SNPH: variants seen among roughly 807,000 people sequenced by gnomAD.
SNPH encodes syntaphilin.
Under a neutral mutation model 36.8 loss-of-function variants are expected in SNPH, and 10 were observed. The observed-to-expected ratio is 0.27, with a 90% CI of 0.17 to 0.46. SNPH has a LOEUF of 0.46. SNPH is among the 20% of genes least tolerant of loss of function. SNPH has a pLI of 1.00. For missense variants in SNPH, 622 were observed against 744.0 expected, an observed-to-expected ratio of 0.84 and a Z score of 1.91; for synonymous variants, 281 against 312.2, an observed-to-expected ratio of 0.90 and a Z score of 1.05.
At chr20:1,268,204 A>G (rs563929905) in intron 2 of SNPH, among the ~76,000 whole-genome samples, 10 of 152,306 alleles carry the variant, frequency 6.6e-5, no homozygotes, top group Admixed American at 2.0e-4. Context: ...CATTCTAGCA[A>G]ATGATGGTCC....
intron 2 of SNPH, among the ~76,000 whole-genome samples, chr20:1,268,649 C>T (rs991739573): frequency 1.3e-5 from 2 of 150,764 alleles, no homozygotes; most frequent in African/African-American, 2.5e-5. Flanking sequence ...GGCAGAGGCC[C>T]TATCATTTTC....
intron 2 of SNPH, among the ~76,000 whole-genome samples, chr20:1,287,245 G>T (rs1270285957): frequency 6.6e-6 from 1 of 152,106 alleles, no homozygotes; most frequent in Admixed American, 6.6e-5. Context: ...TGTATTTGTG[G>T]TCAGCATGGA....
intron 2 of SNPH, among the ~76,000 whole-genome samples, chr20:1,286,089 T>TAAAAA (rs11475556): frequency 2.0e-5 from 2 of 100,514 alleles, no homozygotes; most frequent in Admixed American, 1.2e-4. Flanking sequence ...GACTCCATCT[T>TAAAAA]AAAAAAAAAA....
rs1351685001 is a variant in SNPH, at chr20:1,294,113, G to A, written c.-492-838G>A. On this transcript the variant is annotated intron_variant, in intron 2 of 6. Transcript: ENST00000381867. This position sits in a 1 kb window ranked among gnomAD's most constrained non-coding sequence, Gnocchi z 4.4. ...GGGCAGGGATGATGGTGGGAAAGTT[G>A]TTGGTGAAGCCAGGCCGACCTGGGC... Among the ~76,000 whole-genome samples the A allele has an allele frequency of 3.3e-5, 5 of 152,240 alleles. No homozygotes were observed. The highest frequency in any genetic ancestry group is 1.2e-4 in the African/African-American group (5 of 41,468).
intron 2 of SNPH, among the ~76,000 whole-genome samples, chr20:1,293,074 C>A (rs940350248): frequency 3.3e-5 from 5 of 152,226 alleles, no homozygotes; most frequent in Non-Finnish European, 5.9e-5. Context: ...GAGGTGCATT[C>A]ATTAGAGCCC....
chr20:1,287,057 C>T (rs1350114502), intron 2 of SNPH, among the ~76,000 whole-genome samples: 1 of 152,138 alleles, frequency 6.6e-6, no homozygotes, highest in Non-Finnish European at 1.5e-5. Flanking sequence ...TGCAGCCAAC[C>T]CCATGCAAAA....
rs866569977 is a variant in SNPH at position 1,290,384 on chromosome 20, T to A, written c.-492-4567T>A. Reference sequence around the variant, plus strand: ...GTTCCTTCTTCCCTTCCAGTGTGTTTTCTGTCTGTGTGCATTTGCCTGTGC... The same window carrying A: ...GTTCCTTCTTCCCTTCCAGTGTGTTATCTGTCTGTGTGCATTTGCCTGTGC... On this transcript the variant is annotated intron_variant, in intron 2 of 6. Transcript: ENST00000381867. Among the ~76,000 whole-genome samples the A allele has an allele frequency of 2.6e-5, 4 of 152,366 alleles. No individual in the cohort carries two copies. The South Asian group carries it at 8.3e-4, about 32-fold the overall frequency.
chr20:1,300,508 CTG>C, intron 5 of SNPH, 52 bp from the exon 6 acceptor site: 1 of 1,604,262 alleles, frequency 6.2e-7, no homozygotes, highest in Non-Finnish European at 8.5e-7. Flanking sequence ...GGTAAAGCAC[CTG>C]TGCCTTGCCT....
chr20:1,268,154 T>C (rs1011496706), intron 2 of SNPH, among the ~76,000 whole-genome samples: 2 of 152,230 alleles, frequency 1.3e-5, no homozygotes, highest in African/African-American at 2.4e-5. Flanking sequence ...GCTGAGGGCC[T>C]AGGCAGGCAG....
At chr20:1,280,258 G>T (rs981495366) in intron 2 of SNPH, among the ~76,000 whole-genome samples, 2 of 152,200 alleles carry the variant, frequency 1.3e-5, no homozygotes, top group African/African-American at 4.8e-5. Context: ...ACTCCCAAAG[G>T]GTGGGAGACT....
chr20:1,277,686 GTGTGCCTGTGTGTCTGTC>G (rs1355353552), intron 2 of SNPH, among the ~76,000 whole-genome samples: 2 of 149,580 alleles, frequency 1.3e-5, no homozygotes, highest in Non-Finnish European at 3.0e-5. Flanking sequence ...GTGTCCATGT[GTGTGCCTGTGTGTCTGTC>G]TGTGCCTGTG....
rs1045806678 is a variant in SNPH, at chr20:1,266,632, T to C, written c.-599-22T>C. On this transcript the variant is annotated intron_variant, in intron 1 of 6. Transcript: ENST00000381867. The surrounding 1 kb of genome is among the most constrained non-coding windows in gnomAD (Gnocchi z 6.0). ...GCCCGCGCTCACCCGCCCCGGTCTATCTCTTTTTCCTAACCCCGCAGGTCG... is the reference window on the plus strand; with the variant it reads ...GCCCGCGCTCACCCGCCCCGGTCTACCTCTTTTTCCTAACCCCGCAGGTCG... The C allele has an allele frequency of 2.7e-6, 4 of 1,484,456 alleles. No homozygotes were observed. In the African/African-American group the frequency reaches 5.9e-5, roughly 22 times the overall value. The allele number at this position is 1,484,456 out of a possible 1,614,324, so 92.0% of individuals were successfully genotyped here.
chr20:1,271,333 T>G (rs956541618), intron 2 of SNPH, among the ~76,000 whole-genome samples: 2 of 152,118 alleles, frequency 1.3e-5, no homozygotes, highest in Non-Finnish European at 2.9e-5. Flanking sequence ...AGAAACTCTT[T>G]CTTCTTCTTC....
Position 1,266,792 on chromosome 20 carries a change from C to A in SNPH, c.-493+32C>A. On this transcript the variant is annotated intron_variant, in intron 2 of 6. Transcript: ENST00000381867. The surrounding 1 kb of genome is among the most constrained non-coding windows in gnomAD (Gnocchi z 6.0). ...AGGCCGCGGCGGAGCGGGGAGCTGG[C>A]CCTGCGCTGCACCGCGGCAGGTGGG... 7.5e-7 allele frequency: 1 copy of A among 1,332,948 alleles called. No homozygotes were observed. Among genetic ancestry groups the A allele is most frequent in the Non-Finnish European group, 9.6e-7 (1 of 1,042,746 alleles). 82.6% of individuals were successfully genotyped at this position (1,332,948 alleles called of 1,614,324 possible).
intron 2 of SNPH, among the ~76,000 whole-genome samples, chr20:1,275,779 C>T (rs900966476): frequency 1.3e-5 from 2 of 152,266 alleles, no homozygotes; most frequent in Admixed American, 1.3e-4. Context: ...TAGAGAAGGA[C>T]ATTTTGATAG....
chr20:1,278,268 G>T (rs1195197131), intron 2 of SNPH, among the ~76,000 whole-genome samples: 1 of 152,062 alleles, frequency 6.6e-6, no homozygotes, highest in Non-Finnish European at 1.5e-5. Context: ...GTCAGTGTCT[G>T]TGTGTATGTG....
chr20:1,281,084 A>C (rs1311043570), intron 2 of SNPH, among the ~76,000 whole-genome samples: 1 of 152,146 alleles, frequency 6.6e-6, no homozygotes, highest in Admixed American at 6.5e-5. Flanking sequence ...GGAGGGATAG[A>C]ATATTGAGTA....
chr20:1,271,330 C>T (rs1301349142), intron 2 of SNPH, among the ~76,000 whole-genome samples: 3 of 152,140 alleles, frequency 2.0e-5, no homozygotes, highest in African/African-American at 7.2e-5. Context: ...TTCAGAAACT[C>T]TTTCTTCTTC....
At chr20:1,278,266 C>G (rs1249060811) in intron 2 of SNPH, among the ~76,000 whole-genome samples, 1 of 151,758 alleles carries the variant, frequency 6.6e-6, no homozygotes, top group African/African-American at 2.4e-5. Context: ...GTGTCAGTGT[C>G]TGTGTGTATG....
Sources: gnomAD v4.1 joint callset for allele counts (sites outside exome capture counted in the v4.1 genomes callset) on GRCh38, gnomAD v4.1.1 for gene constraint, Gnocchi (gnomAD v3.1) non-coding constraint, MANE v1.5 for transcripts, NCBI Gene and HGNC (gene_info 2026-07-23, HGNC 2026-07-21) for gene names.